TAFA5: variants seen among roughly 807,000 people sequenced by gnomAD.
TAFA5 encodes the protein chemokine-like protein TAFA-5.
A neutral mutation model predicts 15.3 loss-of-function variants in TAFA5; 6 were observed. That is an observed-to-expected ratio of 0.39 (90% CI 0.21 to 0.77). The LOEUF is 0.77. TAFA5 is among the 30% of genes least tolerant of loss of function. TAFA5 has a pLI of 0.41. For synonymous variants in TAFA5, 103 were observed against 80.7 expected, an observed-to-expected ratio of 1.28 and a Z score of -1.48; for missense variants, 161 against 193.1, an observed-to-expected ratio of 0.83 and a Z score of 0.98.
intron 1 of TAFA5, among the ~76,000 whole-genome samples, chr22:48,563,214 A>G (rs907061091): frequency 3.9e-5 from 6 of 152,130 alleles, no homozygotes; most frequent in Non-Finnish European, 8.8e-5. Context: ...AGAGCCCTGC[A>G]GACAAGTGGC....
At chr22:48,513,487 G>A (rs888967661) in intron 1 of TAFA5, among the ~76,000 whole-genome samples, 4 of 152,306 alleles carry the variant, frequency 2.6e-5, no homozygotes, top group African/African-American at 7.2e-5. Flanking sequence ...ACAGACTGGC[G>A]ATTCCTGGGT....
chr22:48,593,051 C>T (rs972167938), intron 1 of TAFA5, among the ~76,000 whole-genome samples: 2 of 152,138 alleles, frequency 1.3e-5, no homozygotes, highest in Non-Finnish European at 2.9e-5. Flanking sequence ...TCCCTGCAGC[C>T]GTCGGAACTG....
At chr22:48,578,704 C>T (rs1312710947) in intron 1 of TAFA5, among the ~76,000 whole-genome samples, 1 of 152,204 alleles carries the variant, frequency 6.6e-6, no homozygotes, top group East Asian at 1.9e-4. Flanking sequence ...TGTCCGGAAG[C>T]GGTGGCCTTC....
chr22:48,557,431 G>A (rs115188356), intron 1 of TAFA5, among the ~76,000 whole-genome samples: 2,416 of 152,258 alleles, frequency 0.016, 52 homozygotes, highest in African/African-American at 0.054. Flanking sequence ...CCAGGGCTGC[G>A]AGGACATGAG....
intron 2 of TAFA5, among the ~76,000 whole-genome samples, chr22:48,684,590 C>T (rs1395794749): frequency 6.6e-6 from 1 of 152,148 alleles, no homozygotes; most frequent in Non-Finnish European, 1.5e-5. Context: ...ACTGTGTCAC[C>T]CTGGTAAGCA....
At chr22:48,687,861 A>G (rs1045930995) in intron 2 of TAFA5, among the ~76,000 whole-genome samples, 42 of 152,276 alleles carry the variant, frequency 2.8e-4, no homozygotes, top group African/African-American at 9.4e-4. Context: ...ACCAGCACTT[A>G]GCGCCTGGGA....
At chr22:48,569,438 C>G (rs1034851339) in intron 1 of TAFA5, among the ~76,000 whole-genome samples, 1 of 152,138 alleles carries the variant, frequency 6.6e-6, no homozygotes, top group African/African-American at 2.4e-5. Flanking sequence ...TGTTTTGTGA[C>G]CTCTGGGATG....
At chr22:48,575,598 CCACCGG>C (rs942230015) in intron 1 of TAFA5, among the ~76,000 whole-genome samples, 1 of 146,244 alleles carries the variant, frequency 6.8e-6, no homozygotes, top group African/African-American at 2.5e-5. Context: ...GGCGCGGCAG[CCACCGG>C]CACCGGCACC....
intron 1 of TAFA5, chr22:48,547,371 G>A (rs1365652097): frequency 6.6e-6 from 1 of 152,242 alleles, no homozygotes. Context: ...TGGGGCTTCA[G>A]GGGCCTCTTG....
chr22:48,574,755 C>T (rs542057914), intron 1 of TAFA5, among the ~76,000 whole-genome samples: 7 of 152,306 alleles, frequency 4.6e-5, no homozygotes, highest in Non-Finnish European at 8.8e-5. Flanking sequence ...ACCTTGAGGC[C>T]CACCACACTG....
intron 1 of TAFA5, among the ~76,000 whole-genome samples, chr22:48,636,785 G>T (rs945646520): frequency 1.3e-5 from 2 of 152,224 alleles, no homozygotes; most frequent in East Asian, 1.9e-4. Flanking sequence ...GCTAGTGTGG[G>T]TGTGGGCTGG....
intron 1 of TAFA5, among the ~76,000 whole-genome samples, chr22:48,624,238 G>A (rs777611305): frequency 6.6e-6 from 1 of 152,228 alleles, no homozygotes; most frequent in Non-Finnish European, 1.5e-5. Context: ...CCAAAGTGAA[G>A]TGCCCTTCTC....
In TAFA5 at chr22:48,530,922, C is replaced by T. The variant is rs1204424776; in HGVS notation, c.112+41218C>T. Among the ~76,000 whole-genome samples the T allele has an allele frequency of 6.6e-6, 1 of 152,178 alleles. No homozygotes were observed. The highest frequency in any genetic ancestry group is 1.5e-5 in the Non-Finnish European group (1 of 68,024). On this transcript the variant is annotated intron_variant, in intron 1 of 3. Transcript: ENST00000402357. The surrounding 1 kb of genome is among the most constrained non-coding windows in gnomAD (Gnocchi z 6.0). ...TGTCACAGTGACATGACAGACTGAG[C>T]TTCCACTGTACAGGGACCCCCTGTG...
chr22:48,529,858 A>C (rs576488300), intron 1 of TAFA5, among the ~76,000 whole-genome samples: 3 of 152,214 alleles, frequency 2.0e-5, no homozygotes, highest in East Asian at 3.9e-4. Flanking sequence ...CCCTTGAGTC[A>C]CAGCGAGCCT....
At chr22:48,523,017 C>T (rs11090852) in intron 1 of TAFA5, among the ~76,000 whole-genome samples, 47,315 of 152,072 alleles carry the variant, frequency 0.31, 8,052 homozygotes, top group Middle Eastern at 0.45. Context: ...GGGGCTGTGT[C>T]GGTTCCTTCC....
intron 3 of TAFA5, among the ~76,000 whole-genome samples, chr22:48,734,998 C>T (rs1337421412): frequency 1.3e-5 from 2 of 152,170 alleles, no homozygotes; most frequent in Admixed American, 6.5e-5. Context: ...AAGAACGCTG[C>T]GATTGTAAAC....
intron 2 of TAFA5, among the ~76,000 whole-genome samples, chr22:48,661,055 C>G (rs1927422134): frequency 1.3e-5 from 2 of 152,212 alleles, no homozygotes; most frequent in African/African-American, 2.4e-5. Context: ...AGTGTGGGGT[C>G]TCCAGGCCCC....
chr22:48,693,399 G>A (rs756318908), intron 2 of TAFA5: 10 of 1,612,250 alleles, frequency 6.2e-6, no homozygotes, highest in Non-Finnish European at 6.8e-6. Context: ...GGAGATCCGT[G>A]CGCGTCATAG....
chr22:48,731,212 G>A (rs1190172562), intron 3 of TAFA5, among the ~76,000 whole-genome samples: 2 of 152,170 alleles, frequency 1.3e-5, no homozygotes, highest in Non-Finnish European at 2.9e-5. Flanking sequence ...GAGAAGGGAG[G>A]AGGCTGCAGA....
Sources: allele counts gnomAD v4.1 joint callset (sites outside exome capture counted in the v4.1 genomes callset), GRCh38; gene constraint gnomAD v4.1.1; non-coding constraint Gnocchi (gnomAD v3.1); transcripts MANE v1.5; gene names NCBI Gene and HGNC (gene_info 2026-07-23, HGNC 2026-07-21).